MYRF: variants seen among roughly 807,000 people sequenced by gnomAD.
MYRF encodes the protein myelin regulatory factor, also known as myelin gene regulatory factor.
Under a neutral mutation model 126.3 loss-of-function variants are expected in MYRF, and 16 were observed. The ratio of observed to expected loss-of-function variants is 0.13; its 90% CI spans 0.09 to 0.19. The LOEUF is 0.19. Among genes scored for constraint, MYRF ranks in the 10% least tolerant of loss-of-function variants. MYRF has a pLI of 1.00. For synonymous variants in MYRF, 608 were observed against 635.3 expected (o/e 0.96, Z 0.65); for missense variants, 1,104 against 1,547.0 (o/e 0.71, Z 4.80).
Position 61,787,806 on chromosome 11 carries a change from C to G in MYRF, c.*1663C>G, listed in dbSNP as rs2066728070. The G allele has an allele frequency of 6.5e-6, 1 of 152,740 alleles. No individual in the cohort carries two copies. Among genetic ancestry groups the G allele is most frequent in the African/African-American group, 2.4e-5 (1 of 41,450 alleles). The allele number at this position is 152,740 out of a possible 1,614,324, so 9.5% of individuals were successfully genotyped here. A position where few individuals can be genotyped will look rare whatever the true frequency, so the allele number is the denominator to read the frequency against. ...CTCCCTATGCCTTAAAACTGCCGAG[C>G]CCCACTCCATGTAATAGGATTCCTG... On this transcript the variant is annotated 3_prime_UTR_variant, in exon 27 of 27. Transcript: ENST00000278836.
At chr11:61,785,518 G>A (rs1324689178) in intron 25 of MYRF, 7 of 511,822 alleles carry the variant, frequency 1.4e-5, no homozygotes, top group East Asian at 3.3e-5. Context: ...TGTGCCCAGA[G>A]CATAGTGGGT....
chr11:61,766,702 C>T (rs1329166824), intron 3 of MYRF: 2 of 265,846 alleles, frequency 7.5e-6, no homozygotes, highest in South Asian at 4.2e-5. Context: ...CCAGGCCCTT[C>T]CCCCCATCTT....
chr11:61,784,503 C>T (rs2066641785), intron 25 of MYRF, 118 bp downstream of exon 25: 2 of 779,510 alleles, frequency 2.6e-6, no homozygotes, highest in Non-Finnish European at 4.1e-6. Flanking sequence ...AAGCCTTCTC[C>T]ACAAGGGACA....
At chr11:61,756,507 A>G (rs1369253572) in intron 1 of MYRF, among the ~76,000 whole-genome samples, 1 of 151,778 alleles carries the variant, frequency 6.6e-6, no homozygotes, top group East Asian at 1.9e-4. Context: ...CCAGGGAGTA[A>G]GTAGATGGGA....
chr11:61,767,413 T>G (rs952213558), intron 3 of MYRF: 4 of 456,454 alleles, frequency 8.8e-6, no homozygotes, highest in African/African-American at 8.0e-5. Flanking sequence ...GTCAGGATTT[T>G]AATGGCACAC....
Position 61,780,103 on chromosome 11 carries a change from C to T in MYRF, c.2337-119C>T, listed in dbSNP as rs546306951. ...CTGCCTCTTCCCCTCTGGGGTGACC[C>T]ATTTTGTAGGCATCACCTGGGAGCC... On this transcript the variant is annotated intron_variant, in intron 17 of 26. Coordinates refer to ENST00000278836, the MANE Select transcript of MYRF (RefSeq NM_001127392.3). 3.8e-6 allele frequency: 5 copies of T among 1,322,554 alleles called. No individual in the cohort carries two copies. The East Asian group carries it at 1.2e-4, about 33-fold the overall frequency. 81.9% of individuals were successfully genotyped at this position (1,322,554 alleles called of 1,614,324 possible).
At chr11:61,765,252 A>C (rs1444455980) in intron 1 of MYRF, among the ~76,000 whole-genome samples, 1 of 152,238 alleles carries the variant, frequency 6.6e-6, no homozygotes, top group East Asian at 1.9e-4. Flanking sequence ...TGTGCCTCAC[A>C]GCACCCCATA....
In MYRF at chr11:61,786,177, CA is replaced by C. The variant is rs1254242465; in HGVS notation, c.*35del. The C allele has an allele frequency of 1.9e-6, 3 of 1,594,188 alleles. No individual in the cohort carries two copies. Among genetic ancestry groups the C allele is most frequent in the South Asian group, 1.1e-5 (1 of 90,604 alleles). On this transcript the variant is annotated 3_prime_UTR_variant, in exon 27 of 27. Coordinates refer to ENST00000278836, the MANE Select transcript of MYRF (RefSeq NM_001127392.3). The surrounding 1 kb of genome is among the most constrained non-coding windows in gnomAD (Gnocchi z 4.5). Reference sequence around the variant, plus strand: ...CCTGAGGCAGCACCACACCAGGGACCAGGGGTGCCCAGGCACCCCCCAACAC... The same window carrying C: ...CCTGAGGCAGCACCACACCAGGGACCGGGGTGCCCAGGCACCCCCCAACAC...
rs915646154 is a variant in MYRF, at chr11:61,778,666, G to A, written c.2013+177G>A. On this transcript the variant is annotated intron_variant, in intron 14 of 26. Coordinates refer to ENST00000278836, the MANE Select transcript of MYRF (RefSeq NM_001127392.3). This position sits in a 1 kb window ranked among gnomAD's most constrained non-coding sequence, Gnocchi z 4.6. ...CACAGGGAAGGGGTGAGTGTTCAAG[G>A]AGATGAGTGGGTAGGGATTTGGCCC... 4.5e-6 allele frequency: 3 copies of A among 664,032 alleles called. No homozygotes were observed. In the African/African-American group the frequency reaches 5.3e-5, roughly 12 times the overall value. The allele number at this position is 664,032 out of a possible 1,614,324, so 41.1% of individuals were successfully genotyped here.
At chr11:61,775,809 G>A (rs1260590908) in intron 8 of MYRF, among the ~76,000 whole-genome samples, 3 of 151,456 alleles carry the variant, frequency 2.0e-5, no homozygotes, top group African/African-American at 4.9e-5. Flanking sequence ...GACTGCATGC[G>A]TAGCTGTGCA....
At chr11:61,764,417 A>G (rs1434563186) in intron 1 of MYRF, among the ~76,000 whole-genome samples, 6 of 152,322 alleles carry the variant, frequency 3.9e-5, no homozygotes, top group South Asian at 4.1e-4. Flanking sequence ...ACATGTCCCC[A>G]TTGCACGAAT....
rs73487437 is a variant in MYRF at position 61,768,160 on chromosome 11, C to T, written c.399-1100C>T. Among the ~76,000 whole-genome samples, 528 of 151,782 alleles carry T rather than the reference C, an allele frequency of 3.5e-3. 6 individuals are homozygous for T. Among genetic ancestry groups the T allele is most frequent in the African/African-American group, 0.012 (493 of 41,382 alleles). On this transcript the variant is annotated intron_variant, in intron 3 of 26. Coordinates refer to ENST00000278836, the MANE Select transcript of MYRF (RefSeq NM_001127392.3). ...AAAGAAAAGAAAAAAAACAGACACA[C>T]GGCTCTGCAGTGGCTCCTGAAGCCT... is the stretch of plus-strand genomic sequence containing the variant.
Position 61,770,533 on chromosome 11 carries a change from G to A in MYRF, c.740+8G>A, listed in dbSNP as rs767776849. The A allele has an allele frequency of 6.8e-5, 105 of 1,548,526 alleles. No homozygotes were observed. Among genetic ancestry groups the A allele is most frequent in the Non-Finnish European group, 8.8e-5 (101 of 1,144,558 alleles). On this transcript the variant is annotated splice_region_variant and intron_variant, in intron 5 of 26. Transcript: ENST00000278836. The stretch of plus-strand genomic sequence containing the variant: ...GCAGCAGCACGGAGCTGAGTAAGAC[G>A]TGGGTGGCTGGCTCCATGGGGTGGG...
At position 61,757,715 on chromosome 11, in the gene MYRF, C is replaced by G; in HGVS notation, c.46+4925C>G. 1 of 364,214 alleles carries G rather than the reference C, an allele frequency of 2.7e-6. No homozygotes were observed. The highest frequency in any genetic ancestry group is 8.5e-4 in the Middle Eastern group (1 of 1,170). 22.6% of individuals were successfully genotyped at this position (364,214 alleles called of 1,614,324 possible). On this transcript the variant is annotated intron_variant, in intron 1 of 26. Transcript: ENST00000278836. This position sits in a 1 kb window ranked among gnomAD's most constrained non-coding sequence, Gnocchi z 4.7. The stretch of plus-strand genomic sequence containing the variant: ...GAGGAGGGGCTTGGCTGTATTGTGA[C>G]TTCATCTGCTGCACCCAGGCTCTTT...
At chr11:61,756,873 C>T (rs2065773337) in intron 1 of MYRF, among the ~76,000 whole-genome samples, 2 of 151,988 alleles carry the variant, frequency 1.3e-5, no homozygotes, top group Admixed American at 6.5e-5. Flanking sequence ...ATGGCCTTTT[C>T]CCTGGGGGCC....
At position 61,776,205 on chromosome 11, in the gene MYRF, C is replaced by A; in HGVS notation, c.1388+73C>A. ...TAAAGCTGGCTTGGGAATGGAGGGG[C>A]CAGGGAGGTACCCAGGGTGTCCGCC... On this transcript the variant is annotated intron_variant, in intron 9 of 26. Transcript: ENST00000278836. The surrounding 1 kb of genome is among the most constrained non-coding windows in gnomAD (Gnocchi z 4.3). The A allele has an allele frequency of 6.3e-7, 1 of 1,585,674 alleles. No individual in the cohort carries two copies. Among genetic ancestry groups the A allele is most frequent in the Non-Finnish European group, 8.7e-7 (1 of 1,155,230 alleles).
In MYRF at chr11:61,784,274, C is replaced by T. The variant is rs374071833; in HGVS notation, c.3195-6C>T. ...TCATTTCTCTGCTAACTGGGCCTGT[C>T]TACAGCTCCTCCTCCCCCGTGTCTG... is the stretch of plus-strand genomic sequence containing the variant. On this transcript the variant is annotated splice_region_variant and splice_polypyrimidine_tract_variant and intron_variant, in intron 24 of 26. Coordinates refer to ENST00000278836, the MANE Select transcript of MYRF (RefSeq NM_001127392.3). 3 of 1,613,424 alleles carry T rather than the reference C, an allele frequency of 1.9e-6. No individual in the cohort carries two copies. In the East Asian group the frequency reaches 6.7e-5, roughly 36 times the overall value.
chr11:61,781,444 G>A, intron 21 of MYRF, 115 bp downstream of exon 21: 5 of 1,540,470 alleles, frequency 3.2e-6, no homozygotes, highest in South Asian at 2.5e-5. Context: ...TCTGGACAAT[G>A]ACTGGGAAGT....
rs894147533 is a variant in MYRF at position 61,778,316 on chromosome 11, T to C, written c.1904-64T>C. ...CTCCAGTCTTGCTCCCACTGTACAT[T>C]ACAAAGCTGTGAGTAGCCCTTTACC... On this transcript the variant is annotated intron_variant, in intron 13 of 26. Transcript: ENST00000278836. The surrounding 1 kb of genome is among the most constrained non-coding windows in gnomAD (Gnocchi z 4.6). 3.5e-5 allele frequency: 38 copies of C among 1,101,010 alleles called. No homozygotes were observed. The highest frequency in any genetic ancestry group is 5.2e-5 in the Non-Finnish European group (37 of 713,962). 68.2% of individuals were successfully genotyped at this position (1,101,010 alleles called of 1,614,324 possible). A position where few individuals can be genotyped will look rare whatever the true frequency, so the allele number is the denominator to read the frequency against.
Sources: gnomAD v4.1 joint callset for allele counts (sites outside exome capture counted in the v4.1 genomes callset) on GRCh38, gnomAD v4.1.1 for gene constraint, Gnocchi (gnomAD v3.1) non-coding constraint, MANE v1.5 for transcripts, NCBI Gene and HGNC (gene_info 2026-07-23, HGNC 2026-07-21) for gene names.